The following CSMD1 variants were observed in gnomAD, a reference collection of about 807,000 sequenced individuals.
The protein encoded by CSMD1 is CUB and sushi domain-containing protein 1.
A neutral mutation model predicts 417.5 loss-of-function variants in CSMD1; 213 were observed. The observed-to-expected ratio is 0.51, with a 90% CI of 0.46 to 0.57. CSMD1 has a LOEUF of 0.57. Among genes scored for constraint, CSMD1 ranks in the 20% least tolerant of loss-of-function variants. The pLI, the probability that CSMD1 is intolerant of heterozygous loss-of-function variation, is 0.00. For synonymous variants in CSMD1, 2,862 were observed against 1,736.8 expected (o/e 1.65, Z -16.11); for missense variants, 6,923 against 4,529.7 (o/e 1.53, Z -15.17).
chr8:2,955,099 A>C (rs537133016), intron 64 of CSMD1, among the ~76,000 whole-genome samples: 1 of 152,290 alleles, frequency 6.6e-6, no homozygotes, highest in African/African-American at 2.4e-5. Context: ...TGCTTTTGTA[A>C]TTTTAAAAAG....
chr8:3,975,235 T>C (rs1253649511), intron 5 of CSMD1, among the ~76,000 whole-genome samples: 2 of 152,240 alleles, frequency 1.3e-5, no homozygotes, highest in Non-Finnish European at 2.9e-5. Context: ...TTTATGCCAT[T>C]ACTTGCTTCG....
At chr8:3,789,372 T>A (rs1026958759) in intron 5 of CSMD1, among the ~76,000 whole-genome samples, 2 of 137,284 alleles carry the variant, frequency 1.5e-5, no homozygotes, top group South Asian at 4.9e-4. Flanking sequence ...ATTGCTAGTG[T>A]TTTTTTTTTT....
chr8:4,550,244 C>T (rs887916272), intron 2 of CSMD1, among the ~76,000 whole-genome samples: 1 of 151,732 alleles, frequency 6.6e-6, no homozygotes, highest in African/African-American at 2.4e-5. Flanking sequence ...TTCACTTTTG[C>T]TTCTCATTTC....
chr8:3,074,695 T>C (rs1470157317), intron 49 of CSMD1, among the ~76,000 whole-genome samples: 2 of 152,254 alleles, frequency 1.3e-5, no homozygotes, highest in African/African-American at 4.8e-5. Flanking sequence ...AGAAACGACA[T>C]AACTGGTCAT....
At chr8:4,414,522 T>C (rs1052564929) in intron 3 of CSMD1, among the ~76,000 whole-genome samples, 1 of 152,204 alleles carries the variant, frequency 6.6e-6, no homozygotes, top group Non-Finnish European at 1.5e-5. Flanking sequence ...GATCTGCTTA[T>C]GCATAGTTTA....
intron 3 of CSMD1, among the ~76,000 whole-genome samples, chr8:4,233,511 C>A (rs745863129): frequency 6.6e-6 from 1 of 152,122 alleles, no homozygotes; most frequent in South Asian, 2.1e-4. Context: ...GATTAGTGCC[C>A]TTATAAAAGA....
At chr8:4,634,049 C>T (rs543345104) in intron 2 of CSMD1, among the ~76,000 whole-genome samples, 1 of 150,324 alleles carries the variant, frequency 6.7e-6, no homozygotes, top group Non-Finnish European at 1.5e-5. Flanking sequence ...ACACAAAGAT[C>T]AGATTTTTCA....
In CSMD1 at chr8:3,891,038, GT is replaced by G. The variant is rs765170670; in HGVS notation, c.818+106864del. Among the ~76,000 whole-genome samples the G allele has an allele frequency of 4.8e-3, 701 of 147,272 alleles. 5 individuals are homozygous for G. The highest frequency in any genetic ancestry group is 0.017 in the African/African-American group (669 of 40,122). On this transcript the variant is annotated intron_variant, in intron 5 of 69. Transcript: ENST00000635120. ...CGTGAAATAATTGAGCAGCTTTTTT[GT>G]TTTTTTTTTGTTTTATTTTATTATT... is the stretch of plus-strand genomic sequence containing the variant.
At chr8:3,480,673 C>T (rs1011270881) in intron 11 of CSMD1, among the ~76,000 whole-genome samples, 1 of 151,962 alleles carries the variant, frequency 6.6e-6, no homozygotes, top group African/African-American at 2.4e-5. Flanking sequence ...ACAGAAAAAA[C>T]AACCAAAAAG....
chr8:4,415,022 C>T (rs1378483304), intron 3 of CSMD1, among the ~76,000 whole-genome samples: 1 of 152,128 alleles, frequency 6.6e-6, no homozygotes, highest in Non-Finnish European at 1.5e-5. Flanking sequence ...CATAGGCAAG[C>T]AAAAATGCTA....
intron 1 of CSMD1, among the ~76,000 whole-genome samples, chr8:4,791,367 A>T (rs1427209072): frequency 6.6e-6 from 1 of 152,054 alleles, no homozygotes; most frequent in African/African-American, 2.4e-5. Flanking sequence ...AATGTTTTCC[A>T]ATTTTCTTTC....
chr8:4,836,253 C>T (rs1348632578), intron 1 of CSMD1, among the ~76,000 whole-genome samples: 7 of 152,138 alleles, frequency 4.6e-5, no homozygotes, highest in Admixed American at 3.3e-4. Context: ...ACTCATTTTT[C>T]AAATTATAAC....
At chr8:4,290,754 T>C (rs1433927866) in intron 3 of CSMD1, among the ~76,000 whole-genome samples, 5 of 152,234 alleles carry the variant, frequency 3.3e-5, no homozygotes, top group Non-Finnish European at 5.9e-5. Context: ...TAGTTTCATT[T>C]AGGATTTCTA....
At chr8:3,525,834 AG>A (rs139613813) in intron 10 of CSMD1, among the ~76,000 whole-genome samples, 1,933 of 152,254 alleles carry the variant, frequency 0.013, 38 homozygotes, top group African/African-American at 0.045. Context: ...AAAAATCAAT[AG>A]CCCCCCAGGT....
chr8:4,220,511 C>A (rs1333942696), intron 3 of CSMD1, among the ~76,000 whole-genome samples: 1 of 152,158 alleles, frequency 6.6e-6, no homozygotes, highest in African/African-American at 2.4e-5. Context: ...ATATCTAATC[C>A]TAGTGCAAGA....
intron 6 of CSMD1, among the ~76,000 whole-genome samples, chr8:3,753,603 T>C (rs1051598765): frequency 6.6e-6 from 1 of 152,240 alleles, no homozygotes; most frequent in African/African-American, 2.4e-5. Flanking sequence ...AACATGAATG[T>C]AAATACAATA....
intron 4 of CSMD1, among the ~76,000 whole-genome samples, chr8:4,015,950 G>C (rs969219045): frequency 6.6e-6 from 1 of 152,162 alleles, no homozygotes; most frequent in Non-Finnish European, 1.5e-5. Flanking sequence ...CTGCCCCCAA[G>C]AAGGTTGCCG....
intron 5 of CSMD1, among the ~76,000 whole-genome samples, chr8:3,784,369 T>A (rs573461942): frequency 6.6e-6 from 1 of 152,284 alleles, no homozygotes; most frequent in South Asian, 2.1e-4. Flanking sequence ...GAGAAAACAA[T>A]GAGAAATCAC....
intron 1 of CSMD1, among the ~76,000 whole-genome samples, chr8:4,762,134 A>T (rs1812149818): frequency 6.6e-6 from 1 of 152,118 alleles, no homozygotes; most frequent in Non-Finnish European, 1.5e-5. Flanking sequence ...ACTGAAATAA[A>T]TGTAAAAGGT....
Sources: gnomAD v4.1 joint callset for allele counts (sites outside exome capture counted in the v4.1 genomes callset) on GRCh38, gnomAD v4.1.1 for gene constraint, MANE v1.5 for transcripts, NCBI Gene and HGNC (gene_info 2026-07-23, HGNC 2026-07-21) for gene names.